The following GALNT13 variants were observed in gnomAD, a reference collection of about 807,000 sequenced individuals.
The protein encoded by GALNT13 is UDP-GalNAc:polypeptide N-acetylgalactosaminyltransferase 13.
Under a neutral mutation model 64.2 loss-of-function variants are expected in GALNT13, and 28 were observed. The ratio of observed to expected loss-of-function variants is 0.44; its 90% confidence interval spans 0.32 to 0.60. GALNT13 has a LOEUF of 0.60. Ranked by LOEUF, GALNT13 falls within the 20% of genes least tolerant of loss-of-function variation. GALNT13 has a pLI of 0.05. For missense variants in GALNT13, 577 were observed against 669.8 expected, an observed-to-expected ratio of 0.86 and a Z score of 1.53; for synonymous variants, 214 against 224.6, an observed-to-expected ratio of 0.95 and a Z score of 0.42.
At chr2:153,105,823 C>T in the GALNT13 span, among the ~76,000 whole-genome samples, 3 of 152,070 alleles carry the variant, frequency 2.0e-5, no homozygotes, top group Non-Finnish European at 4.4e-5. Flanking sequence ...TGTGAAGGAC[C>T]TCTTCAAGGA....
At chr2:153,087,879 T>C in the GALNT13 span, among the ~76,000 whole-genome samples, 1 of 152,154 alleles carries the variant, frequency 6.6e-6, no homozygotes, top group African/African-American at 2.4e-5. Context: ...GTAATCTCAC[T>C]AATGGTCTAT....
At chr2:154,145,143 A>G (rs1361180850) in intron 4 of GALNT13, among the ~76,000 whole-genome samples, 1 of 146,294 alleles carries the variant, frequency 6.8e-6, no homozygotes, top group Non-Finnish European at 1.5e-5. Flanking sequence ...ATTTACATAT[A>G]AATTTATATA....
the GALNT13 span, among the ~76,000 whole-genome samples, chr2:153,373,184 A>G: frequency 6.6e-6 from 1 of 151,336 alleles, no homozygotes; most frequent in African/African-American, 2.4e-5. Context: ...GCACACATAC[A>G]CTTTACTGTT....
chr2:153,870,222 T>G (rs985925080), upstream of GALNT13, among the ~76,000 whole-genome samples: 1 of 152,178 alleles, frequency 6.6e-6, no homozygotes, highest in Non-Finnish European at 1.5e-5. Context: ...GGTGATACTT[T>G]GGGACTACGT....
At chr2:153,234,027 A>C in the GALNT13 span, among the ~76,000 whole-genome samples, 2 of 152,186 alleles carry the variant, frequency 1.3e-5, no homozygotes, top group Admixed American at 1.3e-4. Flanking sequence ...ATGGTAGTAC[A>C]ATTTAAGTCA....
chr2:154,355,692 T>G (rs190157579), intron 9 of GALNT13, among the ~76,000 whole-genome samples: 1 of 152,076 alleles, frequency 6.6e-6, no homozygotes. Context: ...TCTCACAGCA[T>G]CCACAAGACA....
the GALNT13 span, among the ~76,000 whole-genome samples, chr2:153,648,546 T>A: frequency 6.6e-6 from 1 of 152,126 alleles, no homozygotes; most frequent in South Asian, 2.1e-4. Flanking sequence ...CTTGTGCCCA[T>A]TTTCAAAGGG....
chr2:153,766,043 A>G, the GALNT13 span, among the ~76,000 whole-genome samples: 10 of 152,206 alleles, frequency 6.6e-5, no homozygotes, highest in Non-Finnish European at 7.3e-5. Flanking sequence ...TATTAGCAGC[A>G]TGAGAACAGA....
chr2:153,884,785 A>ATATATATATATATATATATATATGTG (rs1450308010), intron 1 of GALNT13, among the ~76,000 whole-genome samples: 2 of 122,500 alleles, frequency 1.6e-5, no homozygotes, highest in South Asian at 2.9e-4. Context: ...ATATATATAT[A>ATATATATATATATATATATATATGTG]TGTGTGTGTA....
chr2:153,097,324 C>G, the GALNT13 span, among the ~76,000 whole-genome samples: 1 of 151,994 alleles, frequency 6.6e-6, no homozygotes, highest in Non-Finnish European at 1.5e-5. Flanking sequence ...GTATTATATT[C>G]TATGTTTTTC....
chr2:154,281,501 A>T (rs1691960398), intron 8 of GALNT13, among the ~76,000 whole-genome samples: 1 of 152,212 alleles, frequency 6.6e-6, no homozygotes, highest in African/African-American at 2.4e-5. Flanking sequence ...CCTAAAGGTC[A>T]GAAAACTCCA....
At chr2:153,779,295 A>G in the GALNT13 span, among the ~76,000 whole-genome samples, 12,805 of 152,204 alleles carry the variant, frequency 0.084, 1,172 homozygotes, top group African/African-American at 0.22. Flanking sequence ...GTAAGTAATT[A>G]AAGTGTGGAA....
the GALNT13 span, among the ~76,000 whole-genome samples, chr2:153,605,411 C>T: frequency 2.6e-5 from 4 of 152,020 alleles, no homozygotes; most frequent in African/African-American, 9.7e-5. Context: ...TTATGAACTG[C>T]TTCAGCATAC....
intron 10 of GALNT13, among the ~76,000 whole-genome samples, chr2:154,402,519 CAG>C (rs1158259793): frequency 2.6e-5 from 4 of 152,214 alleles, no homozygotes; most frequent in African/African-American, 9.6e-5. Context: ...TCAAAGCAGA[CAG>C]CCAATTAAAG....
chr2:153,535,211 G>A, the GALNT13 span, among the ~76,000 whole-genome samples: 1,044 of 152,248 alleles, frequency 6.9e-3, 4 homozygotes, highest in Middle Eastern at 0.01. Flanking sequence ...CCCGGATACG[G>A]TTTTGTATGA....
At chr2:153,466,167 C>A in the GALNT13 span, among the ~76,000 whole-genome samples, 11 of 152,132 alleles carry the variant, frequency 7.2e-5, no homozygotes, top group East Asian at 1.7e-3. Context: ...TCTCAAAGCA[C>A]TTCATTTCAT....
rs114375314 is a variant in GALNT13, at chr2:154,432,546, G to A, written c.1396-6046G>A. 6.8e-3 allele frequency among the ~76,000 whole-genome samples: 1,032 copies of A among 152,292 alleles called. 15 individuals are homozygous for A. Among genetic ancestry groups the A allele is most frequent in the African/African-American group, 0.023 (970 of 41,574 alleles). ...CTTAATAGAAATTTATTGTCTTATA[G>A]TTCTGGAGGCTAGAAGTCTGAAATC... is the stretch of plus-strand genomic sequence containing the variant. On this transcript the variant is annotated intron_variant, in intron 11 of 12. Coordinates refer to ENST00000392825, the MANE Select transcript of GALNT13 (RefSeq NM_052917.4).
chr2:153,672,621 C>A, the GALNT13 span, among the ~76,000 whole-genome samples: 6 of 152,022 alleles, frequency 3.9e-5, no homozygotes, highest in East Asian at 9.7e-4. Context: ...AAATCAGCAC[C>A]CTAACATCAC....
intron 2 of GALNT13, among the ~76,000 whole-genome samples, chr2:153,924,778 C>A (rs144699176): frequency 6.6e-6 from 1 of 152,092 alleles, no homozygotes; most frequent in East Asian, 1.9e-4. Context: ...TGATATCTCA[C>A]TGTGTTTTTG....
Sources: gnomAD v4.1 joint callset for allele counts (sites outside exome capture counted in the v4.1 genomes callset) on GRCh38, gnomAD v4.1.1 for gene constraint, MANE v1.5 for transcripts, NCBI Gene and HGNC (gene_info 2026-07-23, HGNC 2026-07-21) for gene names.